The following SOX5 variants were observed in gnomAD, a reference collection of about 807,000 sequenced individuals.
SOX5 encodes SRY-box transcription factor 5.
A neutral mutation model predicts 92.0 loss-of-function variants in SOX5; 9 were observed. That is an observed-to-expected ratio of 0.10 (90% CI 0.06 to 0.17). The LOEUF (loss-of-function observed/expected upper bound fraction) is 0.17. SOX5 is among the 10% of genes least tolerant of loss of function. The pLI, the probability that SOX5 is intolerant of heterozygous loss-of-function variation, is 1.00. For missense variants in SOX5, 642 were observed against 944.5 expected (o/e 0.68, Z 4.20); for synonymous variants, 344 against 336.3 (o/e 1.02, Z -0.25).
intron 3 of SOX5, among the ~76,000 whole-genome samples, chr12:24,263,842 T>G (rs1942623247): frequency 1.3e-5 from 2 of 152,274 alleles, no homozygotes; most frequent in South Asian, 4.1e-4. Flanking sequence ...CAAATCAGAT[T>G]TCTCCTCTGC....
At chr12:23,803,511 C>T (rs879631357) in intron 3 of SOX5, among the ~76,000 whole-genome samples, 2 of 152,138 alleles carry the variant, frequency 1.3e-5, no homozygotes, top group African/African-American at 4.8e-5. Flanking sequence ...CTTGATTTTT[C>T]CCTATTCTGA....
At chr12:24,047,639 G>C (rs950765130) in intron 4 of SOX5, among the ~76,000 whole-genome samples, 3 of 152,152 alleles carry the variant, frequency 2.0e-5, no homozygotes, top group African/African-American at 7.2e-5. Context: ...AGGACCTAGT[G>C]TCTGCAAATC....
At chr12:23,785,243 CT>C (rs1328230576) in intron 3 of SOX5, among the ~76,000 whole-genome samples, 3 of 152,098 alleles carry the variant, frequency 2.0e-5, no homozygotes, top group Non-Finnish European at 4.4e-5. Flanking sequence ...AACCTGAGAG[CT>C]TTTATTGAGA....
intron 4 of SOX5, among the ~76,000 whole-genome samples, chr12:24,074,553 A>G (rs991755214): frequency 2.7e-5 from 4 of 146,964 alleles, no homozygotes; most frequent in Non-Finnish European, 5.9e-5. Context: ...CAAACAGTAC[A>G]TCAGTCATTT....
At chr12:24,184,236 T>C (rs1348930632) in intron 4 of SOX5, among the ~76,000 whole-genome samples, 1 of 152,186 alleles carries the variant, frequency 6.6e-6, no homozygotes, top group Non-Finnish European at 1.5e-5. Flanking sequence ...ACTTTAATTC[T>C]ACCTTATTTG....
rs553760889 is a variant in SOX5 at position 23,780,669 on chromosome 12, A to T, written c.482-24945T>A. Among the ~76,000 whole-genome samples the T allele has an allele frequency of 1.5e-4, 23 of 152,206 alleles. No individual in the cohort carries two copies. In the South Asian group the frequency reaches 3.9e-3, roughly 26 times the overall value. On this transcript the variant is annotated intron_variant, in intron 3 of 14. Coordinates refer to ENST00000451604, the MANE Select transcript of SOX5 (RefSeq NM_006940.6). ...GAGTAAGTGAAAAGTTTTGTGTGGC[A>T]ATCCTGGTAGGTAGACTATTTGATG...
chr12:23,923,103 G>T (rs1014205392), intron 1 of SOX5, among the ~76,000 whole-genome samples: 50 of 152,022 alleles, frequency 3.3e-4, no homozygotes, highest in African/African-American at 1.2e-3. Flanking sequence ...CCGCCACAAC[G>T]CCCGGCTAAT....
chr12:23,927,631 A>G (rs1001881466), intron 1 of SOX5, among the ~76,000 whole-genome samples: 4 of 152,070 alleles, frequency 2.6e-5, no homozygotes, highest in Non-Finnish European at 4.4e-5. Context: ...TCTCTCCATC[A>G]TAGTTTAAGG....
Position 23,726,118 on chromosome 12 carries a change from C to CGAGA in SOX5, c.810+8562_810+8565dup, listed in dbSNP as rs60575337. Among the ~76,000 whole-genome samples the CGAGA allele has an allele frequency of 2.9e-3, 360 of 123,610 alleles. 8 individuals are homozygous for CGAGA. Among genetic ancestry groups the CGAGA allele is most frequent in the East Asian group, 5.2e-3 (23 of 4,426 alleles). The allele number at this position is 123,610 out of a possible 152,430, so 81.1% of individuals were successfully genotyped here. ...TAATGGTGTTAAATACATACATCCC[C>CGAGA]GAGAGAGAGAGAGAGAGAGAGAGAG... On this transcript the variant is annotated intron_variant, in intron 6 of 14. Coordinates refer to ENST00000451604, the MANE Select transcript of SOX5 (RefSeq NM_006940.6).
At chr12:24,265,925 AGGTTGCATTTTATCACCCAAGTTG>A (rs1357936350) in intron 3 of SOX5, among the ~76,000 whole-genome samples, 1 of 152,096 alleles carries the variant, frequency 6.6e-6, no homozygotes, top group Non-Finnish European at 1.5e-5. Context: ...TCTTGACACA[AGGTTGCATTTTATCACCCAAGTTG>A]GAGTGCAGTG....
At chr12:23,934,951 A>T (rs1466100696) in intron 1 of SOX5, among the ~76,000 whole-genome samples, 1 of 151,334 alleles carries the variant, frequency 6.6e-6, no homozygotes, top group Non-Finnish European at 1.5e-5. Context: ...CTACAAAGTT[A>T]GATGGCTTCT....
chr12:23,571,526 A>T (rs566416434), intron 10 of SOX5, among the ~76,000 whole-genome samples: 8 of 152,262 alleles, frequency 5.3e-5, no homozygotes, highest in Admixed American at 2.0e-4. Flanking sequence ...TTTAAATCTC[A>T]TTTATTGTAT....
At chr12:23,849,795 G>A (rs1456777670) in intron 2 of SOX5, among the ~76,000 whole-genome samples, 1 of 152,018 alleles carries the variant, frequency 6.6e-6, no homozygotes, top group Non-Finnish European at 1.5e-5. Context: ...AAATTTTAAT[G>A]TTTAAAGAAT....
intron 1 of SOX5, among the ~76,000 whole-genome samples, chr12:24,412,490 C>T (rs1456262749): frequency 6.6e-6 from 1 of 151,914 alleles, no homozygotes; most frequent in Non-Finnish European, 1.5e-5. Flanking sequence ...TTTTTATTGT[C>T]ATTCAGTTCA....
At chr12:24,044,428 T>C (rs1207134165) in intron 4 of SOX5, among the ~76,000 whole-genome samples, 2 of 152,148 alleles carry the variant, frequency 1.3e-5, no homozygotes, top group Non-Finnish European at 2.9e-5. Flanking sequence ...GAGAAGACAG[T>C]GAATTAAGAC....
intron 2 of SOX5, among the ~76,000 whole-genome samples, chr12:23,852,974 T>G (rs1050964875): frequency 2.6e-5 from 4 of 151,758 alleles, no homozygotes; most frequent in African/African-American, 9.7e-5. Context: ...GGGGAATGAT[T>G]AAAAGCTGCA....
At chr12:24,460,593 TACTC>T (rs1943515055) in intron 1 of SOX5, 1 of 152,218 alleles carries the variant, frequency 6.6e-6, no homozygotes, top group South Asian at 2.1e-4. Context: ...TACTTGGACT[TACTC>T]AGTTTAGAAA....
At chr12:24,005,791 C>G (rs551553253) in intron 4 of SOX5, among the ~76,000 whole-genome samples, 1 of 152,268 alleles carries the variant, frequency 6.6e-6, no homozygotes, top group African/African-American at 2.4e-5. Flanking sequence ...GAACTTGAAA[C>G]TATATTTTAA....
rs185295416 is a variant in SOX5 at position 24,442,403 on chromosome 12, G to A, written c.-250-73764C>T. Among the ~76,000 whole-genome samples the A allele has an allele frequency of 2.1e-4, 32 of 152,224 alleles. No homozygotes were observed. In the East Asian group the frequency reaches 5.8e-3, roughly 28 times the overall value. ...GTATCCAAGAACATTATATTCTAGT[G>A]AGCAGAAAAGACAATAAACACAATA... On this transcript the variant is annotated intron_variant, in intron 1 of 4. Coordinates refer to the SOX5 transcript ENST00000446891.
Sources: gnomAD v4.1 joint callset for allele counts (sites outside exome capture counted in the v4.1 genomes callset) on GRCh38, gnomAD v4.1.1 for gene constraint, MANE v1.5 for transcripts, NCBI Gene and HGNC (gene_info 2026-07-23, HGNC 2026-07-21) for gene names.